RAPGEF4: variants seen among roughly 807,000 people sequenced by gnomAD.
RAPGEF4 encodes RAP guanine-nucleotide-exchange factor (GEF) 4.
In RAPGEF4, 66 loss-of-function variants were observed where a neutral mutation model predicts 147.9. That is an observed-to-expected ratio of 0.45 (90% confidence interval 0.37 to 0.55). RAPGEF4 has a LOEUF of 0.55. Ranked by LOEUF, RAPGEF4 falls within the 20% of genes least tolerant of loss-of-function variation. RAPGEF4 has a pLI of 0.00. For synonymous variants in RAPGEF4, 419 were observed against 442.7 expected, an observed-to-expected ratio of 0.95 and a Z score of 0.67; for missense variants, 1,071 against 1,257.3, an observed-to-expected ratio of 0.85 and a Z score of 2.24.
intron 4 of RAPGEF4, among the ~76,000 whole-genome samples, chr2:172,831,774 TAAATGCCACAAGAG>T (rs1230354912): frequency 6.6e-6 from 1 of 152,174 alleles, no homozygotes. Flanking sequence ...ACCATGCTAG[TAAATGCCACAAGAG>T]AAATTCTTTT....
At chr2:172,823,016 C>T (rs1689247555) in intron 4 of RAPGEF4, among the ~76,000 whole-genome samples, 1 of 152,172 alleles carries the variant, frequency 6.6e-6, no homozygotes, top group South Asian at 2.1e-4. Flanking sequence ...GTGGAAAAGA[C>T]AATCATAGAC....
At chr2:172,925,793 GAGAGAA>G (rs879261181) in intron 6 of RAPGEF4, among the ~76,000 whole-genome samples, 9 of 143,736 alleles carry the variant, frequency 6.3e-5, no homozygotes, top group Non-Finnish European at 9.1e-5. Context: ...GAGAGAGAGA[GAGAGAA>G]AGAAAGAAAG....
intron 1 of RAPGEF4, among the ~76,000 whole-genome samples, chr2:172,752,843 T>C (rs1161489746): frequency 6.6e-6 from 1 of 152,240 alleles, no homozygotes; most frequent in Non-Finnish European, 1.5e-5. Context: ...GCTGTAGCTG[T>C]ACATTATCAG....
intron 10 of RAPGEF4, among the ~76,000 whole-genome samples, chr2:172,976,140 C>T (rs1386310593): frequency 6.6e-6 from 1 of 152,204 alleles, no homozygotes; most frequent in Admixed American, 6.5e-5. Flanking sequence ...TCCCTGTGTA[C>T]ACAAGCTCTG....
intron 6 of RAPGEF4, among the ~76,000 whole-genome samples, chr2:172,929,728 T>C (rs1351956790): frequency 6.6e-6 from 1 of 152,206 alleles, no homozygotes; most frequent in Non-Finnish European, 1.5e-5. Flanking sequence ...TATGAAAATA[T>C]GGCACTGCAG....
intron 15 of RAPGEF4, among the ~76,000 whole-genome samples, chr2:172,994,241 G>A (rs868272179): frequency 1.1e-4 from 16 of 152,248 alleles, no homozygotes; most frequent in South Asian, 6.2e-4. Context: ...AATAAAACTC[G>A]TTTTCAGAAA....
At chr2:173,024,865 T>C (rs1696509010) in intron 23 of RAPGEF4, among the ~76,000 whole-genome samples, 1 of 152,202 alleles carries the variant, frequency 6.6e-6, no homozygotes, top group Non-Finnish European at 1.5e-5. Flanking sequence ...CCCCCTGTGC[T>C]CTCTGCTCCT....
At chr2:172,913,161 G>T (rs571789467) in intron 4 of RAPGEF4, among the ~76,000 whole-genome samples, 5 of 152,174 alleles carry the variant, frequency 3.3e-5, no homozygotes, top group Non-Finnish European at 5.9e-5. Flanking sequence ...CTCCCAAAGT[G>T]CTGGGATTAC....
At position 172,892,266 on chromosome 2, in the gene RAPGEF4, C is replaced by T. The variant is rs1175102576; in HGVS notation, c.445-25536C>T. Among the ~76,000 whole-genome samples the T allele has an allele frequency of 2.0e-5, 3 of 152,172 alleles. No individual in the cohort carries two copies. In the East Asian group the frequency reaches 5.8e-4, roughly 29 times the overall value. On this transcript the variant is annotated intron_variant, in intron 4 of 30. Coordinates refer to ENST00000397081, the MANE Select transcript of RAPGEF4 (RefSeq NM_007023.4). ...TCCCTATTAAGCACTTTCTTTTCAT[C>T]GATTAATGGATTGTGTTTTGGAATC...
chr2:172,780,385 A>G (rs764301855), intron 1 of RAPGEF4, among the ~76,000 whole-genome samples: 3 of 152,214 alleles, frequency 2.0e-5, no homozygotes, highest in African/African-American at 7.2e-5. Context: ...AGGCAAATCT[A>G]TGGGAAACTA....
In RAPGEF4 at chr2:173,026,615, G is replaced by T; in HGVS notation, c.2297G>T (p.Gly766Val). 6.2e-7 allele frequency: 1 copy of T among 1,613,756 alleles called. No homozygotes were observed. The highest frequency in any genetic ancestry group is 1.1e-5 in the South Asian group (1 of 91,040). ...EQEGPTVGTV[G>V]TFELMSSKDL... ...GAAGGCCCAACTGTTGGAACAGTGG[G>T]AACTTTTGAACTGATGAGCTCCAAA... The change falls in exon 24 of 31, where the codon GGA (glycine) becomes GTA (valine). Residue 766 changes from glycine to valine, a missense_variant. By Grantham distance (109) the Gly-to-Val change is moderately radical (BLOSUM62 -3). Transcript: ENST00000397081.
intron 1 of RAPGEF4, among the ~76,000 whole-genome samples, chr2:172,764,817 G>A (rs1239399866): frequency 2.0e-5 from 3 of 152,152 alleles, no homozygotes; most frequent in Non-Finnish European, 4.4e-5. Flanking sequence ...AGTTTTATGG[G>A]AGAAGCACTG....
intron 3 of RAPGEF4, among the ~76,000 whole-genome samples, chr2:172,802,991 C>A (rs1207466157): frequency 6.6e-6 from 1 of 152,180 alleles, no homozygotes; most frequent in Admixed American, 6.6e-5. Flanking sequence ...GTGTTCCCAT[C>A]GTCTTGGGCA....
At chr2:173,050,266 C>T (rs984454118) in intron 30 of RAPGEF4, among the ~76,000 whole-genome samples, 5 of 152,150 alleles carry the variant, frequency 3.3e-5, no homozygotes, top group Non-Finnish European at 7.3e-5. Flanking sequence ...AATGTAATTA[C>T]AGTATATTGT....
chr2:173,023,528 C>G (rs6433387), intron 23 of RAPGEF4, among the ~76,000 whole-genome samples: 144,908 of 152,226 alleles, frequency 0.95, 69,404 homozygotes, highest in East Asian at 1. Context: ...TTGCTGCTCA[C>G]ATTGCCTCTT....
intron 3 of RAPGEF4, among the ~76,000 whole-genome samples, chr2:172,801,264 A>G (rs1266970838): frequency 1.3e-5 from 2 of 152,168 alleles, no homozygotes; most frequent in African/African-American, 4.8e-5. Flanking sequence ...ATAAAAGTGA[A>G]GGAGGAAAAG....
intron 4 of RAPGEF4, among the ~76,000 whole-genome samples, chr2:172,815,643 C>A (rs1276576880): frequency 2.6e-5 from 4 of 152,064 alleles, no homozygotes; most frequent in Admixed American, 6.5e-5. Context: ...ACTGAAAAGT[C>A]TTTTTCAAAA....
chr2:172,941,169 C>T (rs1687107078), intron 6 of RAPGEF4, among the ~76,000 whole-genome samples: 1 of 152,104 alleles, frequency 6.6e-6, no homozygotes, highest in Non-Finnish European at 1.5e-5. Context: ...TTGATTTCTT[C>T]CTCCCAATCT....
intron 6 of RAPGEF4, among the ~76,000 whole-genome samples, chr2:172,944,946 G>A (rs777173781): frequency 7.2e-5 from 11 of 152,078 alleles, no homozygotes; most frequent in Non-Finnish European, 1.2e-4. Context: ...TAAAGTATGC[G>A]TGAGCCTCCA....
Sources: allele counts gnomAD v4.1 joint callset (sites outside exome capture counted in the v4.1 genomes callset), GRCh38; gene constraint gnomAD v4.1.1; transcripts MANE v1.5; gene names NCBI Gene and HGNC (gene_info 2026-07-23, HGNC 2026-07-21).